TTC17: variants seen among roughly 807,000 people sequenced by gnomAD.
TTC17 encodes tetratricopeptide repeat domain 17, also known as tetratricopeptide repeat protein 17.
Under a neutral mutation model 143.8 loss-of-function variants are expected in TTC17, and 58 were observed. That is an observed-to-expected ratio of 0.40 (90% CI 0.33 to 0.50). The LOEUF is 0.50. Among genes scored for constraint, TTC17 ranks in the 20% least tolerant of loss-of-function variants. The pLI is 0.49. For missense variants in TTC17, 1,273 were observed against 1,392.5 expected, an observed-to-expected ratio of 0.91 and a Z score of 1.37; for synonymous variants, 501 against 497.8, an observed-to-expected ratio of 1.01 and a Z score of -0.09.
intron 1 of TTC17, among the ~76,000 whole-genome samples, chr11:43,377,137 C>G (rs1856790664): frequency 6.6e-6 from 1 of 151,984 alleles, no homozygotes; most frequent in Admixed American, 6.6e-5. Context: ...ACTAAAAATA[C>G]AAAAACTTAG....
chr11:43,450,237 C>T lies in TTC17; in HGVS notation c.2942C>T (p.Thr981Ile). 1 of 1,613,194 alleles carries T rather than the reference C, an allele frequency of 6.2e-7. No individual in the cohort carries two copies. Among genetic ancestry groups the T allele is most frequent in the East Asian group, 2.2e-5 (1 of 44,820 alleles). The change falls in exon 20 of 24, where the codon ACA (threonine) becomes ATA (isoleucine). Residue 981 changes from threonine to isoleucine, a missense_variant. Transcript: ENST00000039989. ...CACTACACAGGGGAGAGTCAGTTAA[C>T]AGAGGTGAGTGCTCGGCTTTGTTCA... Reference protein sequence around the residue: ...SLHYTGESQLTEVLQNLGKDQ... With the variant: ...SLHYTGESQLIEVLQNLGKDQ...
intron 3 of TTC17, among the ~76,000 whole-genome samples, chr11:43,390,676 G>A (rs895860752): frequency 6.7e-6 from 1 of 150,194 alleles, no homozygotes; most frequent in Non-Finnish European, 1.5e-5. Context: ...AAATAAAAAA[G>A]AGAAAAAAAT....
At chr11:43,421,256 G>A (rs771025499) in intron 16 of TTC17, among the ~76,000 whole-genome samples, 2 of 152,152 alleles carry the variant, frequency 1.3e-5, no homozygotes, top group African/African-American at 2.4e-5. Context: ...CAGCATAAAA[G>A]CATTTCAGGC....
intron 16 of TTC17, among the ~76,000 whole-genome samples, chr11:43,440,844 C>A (rs1159792553): frequency 6.6e-6 from 1 of 152,138 alleles, no homozygotes; most frequent in African/African-American, 2.4e-5. Context: ...TTATTTGTTA[C>A]TATCCCCTGT....
intron 16 of TTC17, 108 bp from the exon 17 acceptor site, chr11:43,443,217 G>A: frequency 7.8e-7 from 1 of 1,289,540 alleles, no homozygotes; most frequent in African/African-American, 1.5e-5. Flanking sequence ...CTATAGTAGT[G>A]CCTCTAAGCA....
rs548223384 is a variant in TTC17 at position 43,442,824 on chromosome 11, G to C, written c.2252-501G>C. Among the ~76,000 whole-genome samples the C allele has an allele frequency of 2.0e-5, 3 of 152,308 alleles. No individual in the cohort carries two copies. In the South Asian group the frequency reaches 6.2e-4, roughly 32 times the overall value. ...TGCTATTTCTTATATCAGCCATTTA[G>C]TGAAAAATGGGAGCCTTCATGTAGA... is the stretch of plus-strand genomic sequence containing the variant. On this transcript the variant is annotated intron_variant, in intron 16 of 23. Transcript: ENST00000039989.
At chr11:43,379,383 T>A in intron 2 of TTC17, 61 bp downstream of exon 2, 1 of 1,455,458 alleles carries the variant, frequency 6.9e-7, no homozygotes, top group South Asian at 1.2e-5. Context: ...GGAGCCATTG[T>A]GTTCAAAGAA....
intron 21 of TTC17, among the ~76,000 whole-genome samples, chr11:43,479,383 TTAAAC>T (rs1948244727): frequency 1.3e-5 from 2 of 152,214 alleles, no homozygotes; most frequent in Non-Finnish European, 2.9e-5. Context: ...ATTAGCCATC[TTAAAC>T]TAAAATAAAT....
At chr11:43,402,449 CATACACAT>C (rs920549035) in intron 10 of TTC17, among the ~76,000 whole-genome samples, 1 of 152,070 alleles carries the variant, frequency 6.6e-6, no homozygotes, top group African/African-American at 2.4e-5. Context: ...TACACACACA[CATACACAT>C]ATACAATCCT....
chr11:43,443,332 G>A lies in TTC17; in HGVS notation c.2259G>A (p.Val753=), dbSNP rs577378655. Residue 753 remains valine, a synonymous_variant, in exon 17 of 24, where the codon GTG becomes GTA. Coordinates refer to ENST00000039989, the MANE Select transcript of TTC17 (RefSeq NM_018259.6). ...CTGGCCCTTGAATTTCAGGTACGGT[G>A]GTTGAGGAGAGCAATGGTTCTGATG... The part of the protein sequence containing the change: ...NITSSVCSGT[V]VEESNGSDEM... The A allele has an allele frequency of 5.6e-6, 9 of 1,614,022 alleles. No homozygotes were observed. The South Asian group carries it at 9.9e-5, about 18-fold the overall frequency.
chr11:43,450,392 T>C, intron 20 of TTC17, 151 bp downstream of exon 20: 1 of 875,160 alleles, frequency 1.1e-6, no homozygotes, highest in Non-Finnish European at 1.6e-6. Context: ...GGGCCAAGCC[T>C]GATTTCTTTC....
At position 43,391,549 on chromosome 11, in the gene TTC17, T is replaced by C. The variant is rs1857385964; in HGVS notation, c.504T>C (p.Tyr168=). The change falls in exon 4 of 24, where the codon TAT becomes TAC. Residue 168 remains tyrosine (Y), a synonymous_variant. Transcript: ENST00000039989. ...GTACTAAAATTCTAGAACTTCCATA[T>C]AGTATACATGCTTTTCAGCACTTGA... ...PDCTKILELP[Y]SIHAFQHLRG... The C allele has an allele frequency of 2.5e-6, 4 of 1,600,510 alleles. No homozygotes were observed. In the South Asian group the frequency reaches 3.4e-5, roughly 14 times the overall value.
intron 1 of TTC17, among the ~76,000 whole-genome samples, chr11:43,375,002 A>G (rs1315368512): frequency 1.3e-5 from 2 of 152,234 alleles, no homozygotes; most frequent in African/African-American, 2.4e-5. Flanking sequence ...TAACACATCA[A>G]TACTTTCTGT....
chr11:43,419,761 A>C (rs764527018), intron 16 of TTC17, among the ~76,000 whole-genome samples: 4 of 152,156 alleles, frequency 2.6e-5, no homozygotes, highest in South Asian at 2.1e-4. Context: ...ACTCTATCAT[A>C]GCACACCATA....
chr11:43,485,561 G>A (rs1948363993), intron 21 of TTC17, among the ~76,000 whole-genome samples: 1 of 151,986 alleles, frequency 6.6e-6, no homozygotes, highest in Non-Finnish European at 1.5e-5. Context: ...GAAAACATGT[G>A]CAACACATTT....
chr11:43,476,931 CA>C (rs1397504326), intron 21 of TTC17, among the ~76,000 whole-genome samples: 1 of 152,210 alleles, frequency 6.6e-6, no homozygotes, highest in Non-Finnish European at 1.5e-5. Flanking sequence ...AGTCAGGCTG[CA>C]AATTTTCTAA....
intron 2 of TTC17, among the ~76,000 whole-genome samples, chr11:43,382,172 A>C (rs768249472): frequency 6.6e-6 from 1 of 152,232 alleles, no homozygotes; most frequent in Non-Finnish European, 1.5e-5. Context: ...CTGAAATTTT[A>C]TATTCTTTTA....
At chr11:43,434,225 A>ACACACT (rs1565164008) in intron 16 of TTC17, among the ~76,000 whole-genome samples, 3 of 89,602 alleles carry the variant, frequency 3.3e-5, no homozygotes, top group African/African-American at 1.2e-4. Flanking sequence ...ACACACACAC[A>ACACACT]CACACACTCT....
At chr11:43,480,609 A>G (rs1349868278) in intron 21 of TTC17, among the ~76,000 whole-genome samples, 1 of 152,180 alleles carries the variant, frequency 6.6e-6, no homozygotes, top group Non-Finnish European at 1.5e-5. Flanking sequence ...AAACCCAAAC[A>G]TTGTGGAAAA....
Sources: gnomAD v4.1 joint callset for allele counts (sites outside exome capture counted in the v4.1 genomes callset) on GRCh38, gnomAD v4.1.1 for gene constraint, MANE v1.5 for transcripts, NCBI Gene and HGNC (gene_info 2026-07-23, HGNC 2026-07-21) for gene names.